The following AGBL4 variants were observed in gnomAD, a reference collection of about 807,000 sequenced individuals.
The protein encoded by AGBL4 is AGBL carboxypeptidase 4.
In AGBL4, 58 loss-of-function variants were observed where a neutral mutation model predicts 66.4. The observed-to-expected ratio is 0.87, with a 90% CI of 0.71 to 1.09. AGBL4 has a LOEUF of 1.09. Ranked by LOEUF, AGBL4 falls within the 50% of genes least tolerant of loss-of-function variation. AGBL4 has a pLI of 0.00. For missense variants in AGBL4, 579 were observed against 631.0 expected (o/e 0.92, Z 0.88); for synonymous variants, 234 against 222.9 (o/e 1.05, Z -0.44).
At chr1:49,012,633 C>T (rs1275849437) in intron 5 of AGBL4, among the ~76,000 whole-genome samples, 1 of 152,180 alleles carries the variant, frequency 6.6e-6, no homozygotes, top group Non-Finnish European at 1.5e-5. Context: ...ACATGTTATC[C>T]ATAAGCAGGA....
Position 49,372,310 on chromosome 1 carries a change from G to A in AGBL4, c.283-126446C>T, listed in dbSNP as rs532534440. Among the ~76,000 whole-genome samples, 41 of 152,194 alleles carry A rather than the reference G, an allele frequency of 2.7e-4. 1 individual carries two copies. The highest frequency in any genetic ancestry group is 2.9e-4 in the African/African-American group (12 of 41,534). On this transcript the variant is annotated intron_variant, in intron 3 of 13. Coordinates refer to ENST00000371839, the MANE Select transcript of AGBL4 (RefSeq NM_032785.4). ...AATCTCTTCTGTGAAGTCCTTGCTCGAATCCTATTCTGGGGCTTATTTTTC... is the reference window on the plus strand; with the variant it reads ...AATCTCTTCTGTGAAGTCCTTGCTCAAATCCTATTCTGGGGCTTATTTTTC...
chr1:49,243,553 A>AAC (rs1180321415), intron 4 of AGBL4, among the ~76,000 whole-genome samples: 2 of 151,900 alleles, frequency 1.3e-5, no homozygotes, highest in African/African-American at 4.8e-5. Context: ...CAAGGAGAAT[A>AAC]ACAATTATGA....
intron 1 of AGBL4, among the ~76,000 whole-genome samples, chr1:49,929,663 GA>G (rs887460095): frequency 1.4e-5 from 2 of 143,562 alleles, no homozygotes; most frequent in Admixed American, 6.9e-5. Context: ...GTTTCAAGCA[GA>G]AAAAAAAAAG....
intron 4 of AGBL4, among the ~76,000 whole-genome samples, chr1:49,058,204 C>A (rs1644340104): frequency 6.6e-6 from 1 of 152,112 alleles, no homozygotes; most frequent in African/African-American, 2.4e-5. Flanking sequence ...CTCTTTCCAG[C>A]CTGATATGGT....
At position 49,010,065 on chromosome 1, in the gene AGBL4, A is replaced by G. The variant is rs1182706508; in HGVS notation, c.594+35519T>C. Among the ~76,000 whole-genome samples, 7 of 152,178 alleles carry G rather than the reference A, an allele frequency of 4.6e-5. No individual in the cohort carries two copies. In the East Asian group the frequency reaches 7.7e-4, roughly 17 times the overall value. On this transcript the variant is annotated intron_variant, in intron 5 of 13. Coordinates refer to ENST00000371839, the MANE Select transcript of AGBL4 (RefSeq NM_032785.4). ...AGGAGAAGGAAATAAAGGGTATTCAATTAGGAAAAGAGGAAGTCAAATTGT... is the reference window on the plus strand; with the variant it reads ...AGGAGAAGGAAATAAAGGGTATTCAGTTAGGAAAAGAGGAAGTCAAATTGT...
chr1:49,467,594 A>G (rs941221455), intron 3 of AGBL4, among the ~76,000 whole-genome samples: 7 of 151,842 alleles, frequency 4.6e-5, no homozygotes, highest in African/African-American at 1.7e-4. Flanking sequence ...TGGCCTGAGA[A>G]GGGAAGGGTC....
In AGBL4 at chr1:49,035,416, G is replaced by C. The variant is rs12060373; in HGVS notation, c.594+10168C>G. ...AAAGGAAGAAAAGAAAGTACACTTG[G>C]AGGAGCCAAGAGGGTGACTTGAAAG... On this transcript the variant is annotated intron_variant, in intron 5 of 13. Coordinates refer to ENST00000371839, the MANE Select transcript of AGBL4 (RefSeq NM_032785.4). 3.3e-3 allele frequency among the ~76,000 whole-genome samples: 495 copies of C among 152,272 alleles called. 8 individuals carry two copies. Among genetic ancestry groups the C allele is most frequent in the African/African-American group, 0.011 (449 of 41,562 alleles).
intron 1 of AGBL4, among the ~76,000 whole-genome samples, chr1:49,941,418 TTAC>T (rs1654747812): frequency 1.3e-5 from 2 of 151,878 alleles, no homozygotes; most frequent in Admixed American, 1.3e-4. Flanking sequence ...TCAAAGCAAA[TTAC>T]TACAAGAAAA....
intron 1 of AGBL4, among the ~76,000 whole-genome samples, chr1:49,935,514 A>T (rs1217693503): frequency 6.6e-6 from 1 of 152,192 alleles, no homozygotes. Flanking sequence ...GAGATCTGAG[A>T]ACGGGCAGAC....
intron 3 of AGBL4, among the ~76,000 whole-genome samples, chr1:49,674,721 A>G (rs1365483440): frequency 6.6e-6 from 1 of 151,980 alleles, no homozygotes; most frequent in African/African-American, 2.4e-5. Context: ...TTCCAAAAAA[A>G]AGAACGAAAT....
intron 5 of AGBL4, among the ~76,000 whole-genome samples, chr1:48,957,347 C>T (rs1490834636): frequency 6.6e-6 from 1 of 152,146 alleles, no homozygotes; most frequent in East Asian, 1.9e-4. Flanking sequence ...TATAGTAATG[C>T]AATGTGTATG....
At chr1:48,558,419 G>T (rs1644352229) in intron 11 of AGBL4, among the ~76,000 whole-genome samples, 1 of 152,186 alleles carries the variant, frequency 6.6e-6, no homozygotes, top group Non-Finnish European at 1.5e-5. Flanking sequence ...TGAGCCCCCA[G>T]TCTCAATTCC....
At chr1:48,547,203 G>T (rs1282060311) in intron 11 of AGBL4, among the ~76,000 whole-genome samples, 1 of 152,160 alleles carries the variant, frequency 6.6e-6, no homozygotes, top group African/African-American at 2.4e-5. Context: ...GCAGGAAAAT[G>T]ACACGGTCTC....
chr1:49,538,260 T>C (rs1651756582), intron 3 of AGBL4, among the ~76,000 whole-genome samples: 1 of 152,240 alleles, frequency 6.6e-6, no homozygotes, highest in Non-Finnish European at 1.5e-5. Flanking sequence ...CAGATTACCA[T>C]TCATCCATCA....
chr1:49,943,585 C>T (rs539802618), intron 1 of AGBL4, among the ~76,000 whole-genome samples: 112 of 152,026 alleles, frequency 7.4e-4, no homozygotes, highest in African/African-American at 2.5e-3. Context: ...TTTAGAGAAC[C>T]GAGAGAAATA....
intron 4 of AGBL4, among the ~76,000 whole-genome samples, chr1:49,142,203 C>T (rs980062341): frequency 4.6e-5 from 7 of 152,180 alleles, no homozygotes; most frequent in African/African-American, 1.7e-4. Flanking sequence ...CGCTCTCCCA[C>T]CTCCTGTTTC....
intron 4 of AGBL4, among the ~76,000 whole-genome samples, chr1:49,199,990 A>C (rs1426652680): frequency 1.3e-5 from 2 of 152,134 alleles, no homozygotes; most frequent in Non-Finnish European, 2.9e-5. Flanking sequence ...CAGATATGAC[A>C]AGCTCTGGTG....
chr1:49,322,994 A>G (rs1645157599), intron 3 of AGBL4, among the ~76,000 whole-genome samples: 1 of 152,246 alleles, frequency 6.6e-6, no homozygotes, highest in South Asian at 2.1e-4. Context: ...TTCTCAAAAT[A>G]AAATTTAAAA....
At chr1:49,643,814 C>T (rs1645831367) in intron 3 of AGBL4, among the ~76,000 whole-genome samples, 1 of 151,168 alleles carries the variant, frequency 6.6e-6, no homozygotes, top group African/African-American at 2.4e-5. Context: ...ACCTGGGCAA[C>T]AAAAAATGTA....
Sources: gnomAD v4.1 joint callset for allele counts (sites outside exome capture counted in the v4.1 genomes callset) on GRCh38, gnomAD v4.1.1 for gene constraint, MANE v1.5 for transcripts, NCBI Gene and HGNC (gene_info 2026-07-23, HGNC 2026-07-21) for gene names.